PLCZ1: variants seen among roughly 807,000 people sequenced by gnomAD.
The protein encoded by PLCZ1 is phospholipase C zeta 1.
A neutral mutation model predicts 76.8 loss-of-function variants in PLCZ1; 64 were observed. The ratio of observed to expected loss-of-function variants is 0.83; its 90% CI spans 0.68 to 1.03. The LOEUF (loss-of-function observed/expected upper bound fraction) is 1.03. Ranked by LOEUF, PLCZ1 falls within the 50% of genes least tolerant of loss-of-function variation. The pLI, the probability that PLCZ1 is intolerant of heterozygous loss-of-function variation, is 0.00. For missense variants in PLCZ1, 751 were observed against 713.7 expected (o/e 1.05, Z -0.60); for synonymous variants, 248 against 230.8 (o/e 1.07, Z -0.68).
At chr12:18,713,711 C>T (rs1957612842) in intron 5 of PLCZ1, 1 of 152,130 alleles carries the variant, frequency 6.6e-6, no homozygotes, top group Admixed American at 6.5e-5. Context: ...CATAATTTCA[C>T]TAGGAGAAAC....
intron 12 of PLCZ1, among the ~76,000 whole-genome samples, chr12:18,692,066 G>A (rs560660607): frequency 4.9e-4 from 75 of 152,238 alleles, no homozygotes; most frequent in Admixed American, 1.2e-3. Context: ...AGGAAAAGTC[G>A]CAGGAGAAGC....
intron 6 of PLCZ1, among the ~76,000 whole-genome samples, chr12:18,710,457 C>T (rs1213707528): frequency 6.6e-6 from 1 of 151,970 alleles, no homozygotes; most frequent in Non-Finnish European, 1.5e-5. Context: ...TAATGAAAAA[C>T]TGACCACTTA....
intron 11 of PLCZ1, among the ~76,000 whole-genome samples, chr12:18,695,442 C>A (rs78982376): frequency 6.6e-6 from 1 of 152,080 alleles, no homozygotes; most frequent in African/African-American, 2.4e-5. Flanking sequence ...TCAACTATGT[C>A]ATAAATTTTC....
chr12:18,684,338 G>A (rs1480284067), intron 13 of PLCZ1, 59 bp from the exon 14 acceptor site: 2 of 1,493,384 alleles, frequency 1.3e-6, no homozygotes, highest in African/African-American at 2.8e-5. Context: ...GGAAAAAATA[G>A]ATTACATTTG....
intron 5 of PLCZ1, among the ~76,000 whole-genome samples, chr12:18,713,396 A>G (rs1957575097): frequency 1.3e-5 from 2 of 152,178 alleles, no homozygotes; most frequent in Non-Finnish European, 2.9e-5. Flanking sequence ...AAGCCCTCTC[A>G]GAATAGTAAA....
At chr12:18,655,174 C>T in the PLCZ1 span, among the ~76,000 whole-genome samples, 1 of 151,988 alleles carries the variant, frequency 6.6e-6, no homozygotes, top group Admixed American at 6.6e-5. Context: ...GGAGATCATA[C>T]GGTGAAAATA....
chr12:18,685,809 C>T (rs1010953271), intron 13 of PLCZ1, among the ~76,000 whole-genome samples: 1 of 149,808 alleles, frequency 6.7e-6, no homozygotes, highest in Non-Finnish European at 1.5e-5. Context: ...CCCTTCCATC[C>T]TCCTCCTGTA....
rs1478233489 is a variant in PLCZ1, at chr12:18,723,512, T to C, written c.166A>G (p.Thr56Ala). The C allele has an allele frequency of 6.2e-7, 1 of 1,612,596 alleles. No individual in the cohort carries two copies. Among genetic ancestry groups the C allele is most frequent in the Non-Finnish European group, 8.5e-7 (1 of 1,179,356 alleles). The change falls in exon 4 of 15, where the codon ACC becomes GCC. Residue 56 changes from threonine to alanine, a missense_variant. By Grantham distance (58) the Thr-to-Ala change is moderately conservative. Transcript: ENST00000266505. ...DNDRLKQGRI[T>A]IEEFRAIYRI... is the part of the protein sequence containing the mutation. Reference sequence around the variant, plus strand: ...TAAATTGCTCTAAATTCTTCTATGGTGATTCTTCCTTGTTTCAGCCTGTCA... The same window carrying C: ...TAAATTGCTCTAAATTCTTCTATGGCGATTCTTCCTTGTTTCAGCCTGTCA...
At chr12:18,690,395 T>C (rs1002220926) in intron 12 of PLCZ1, among the ~76,000 whole-genome samples, 1 of 152,000 alleles carries the variant, frequency 6.6e-6, no homozygotes, top group African/African-American at 2.4e-5. Flanking sequence ...AGCTAAGTTT[T>C]TGTATGTTTA....
chr12:18,712,406 A>G (rs1957446732), intron 6 of PLCZ1, among the ~76,000 whole-genome samples: 1 of 152,178 alleles, frequency 6.6e-6, no homozygotes, highest in Non-Finnish European at 1.5e-5. Flanking sequence ...AACATTTCTT[A>G]CTATATCAAT....
At position 18,696,176 on chromosome 12, in the gene PLCZ1, T is replaced by A; in HGVS notation, c.1265A>T (p.Glu422Val). The change falls in exon 11 of 15, where the codon GAA becomes GTA. Residue 422 changes from glutamate to valine, a missense_variant. Physicochemically the swap from Glu to Val is moderately radical, Grantham distance 121 (BLOSUM62 -2). Coordinates refer to ENST00000266505, the MANE Select transcript of PLCZ1 (RefSeq NM_033123.4). ...CATTTGACAACCTATATTCCAAAATTCTTGGGGATTAAAATTAGAAGAGTC... is the reference window on the plus strand; with the variant it reads ...CATTTGACAACCTATATTCCAAAATACTTGGGGATTAAAATTAGAAGAGTC... ...RADSSNFNPQ[E>V]FWNIGCQMVA... The A allele has an allele frequency of 6.3e-7, 1 of 1,576,802 alleles. No homozygotes were observed. Among genetic ancestry groups the A allele is most frequent in the Non-Finnish European group, 8.7e-7 (1 of 1,149,438 alleles).
intron 3 of PLCZ1, among the ~76,000 whole-genome samples, chr12:18,732,542 CG>C (rs1565743640): frequency 1.3e-5 from 2 of 152,188 alleles, no homozygotes; most frequent in Non-Finnish European, 2.9e-5. Context: ...TTATTTATCA[CG>C]GGTACTATGC....
intron 13 of PLCZ1, among the ~76,000 whole-genome samples, chr12:18,687,059 T>C (rs929975290): frequency 6.6e-6 from 1 of 152,076 alleles, no homozygotes; most frequent in Non-Finnish European, 1.5e-5. Flanking sequence ...TTACTATCTC[T>C]GGACACAGCC....
chr12:18,666,273 T>G, the PLCZ1 span, among the ~76,000 whole-genome samples: 3 of 148,884 alleles, frequency 2.0e-5, no homozygotes, highest in Non-Finnish European at 4.4e-5. Flanking sequence ...ATAAGTAGAT[T>G]AAACTCTTCA....
intron 3 of PLCZ1, among the ~76,000 whole-genome samples, chr12:18,730,581 C>T (rs1222263129): frequency 6.6e-6 from 1 of 152,002 alleles, no homozygotes; most frequent in Non-Finnish European, 1.5e-5. Flanking sequence ...TATTAATAGC[C>T]ACTCCAGAAA....
chr12:18,723,159 AAATAT>A, intron 4 of PLCZ1, 147 bp downstream of exon 4: 1 of 664,078 alleles, frequency 1.5e-6, no homozygotes, highest in South Asian at 2.0e-5. Context: ...CAATTCTATA[AAATAT>A]ATTTTCTCAA....
At chr12:18,691,785 C>T (rs896973434) in intron 12 of PLCZ1, among the ~76,000 whole-genome samples, 2 of 152,154 alleles carry the variant, frequency 1.3e-5, no homozygotes, top group African/African-American at 2.4e-5. Flanking sequence ...GCAATTGCTG[C>T]CTATCCATTA....
chr12:18,718,505 C>T (rs1958224591), intron 5 of PLCZ1, among the ~76,000 whole-genome samples: 1 of 152,142 alleles, frequency 6.6e-6, no homozygotes, highest in African/African-American at 2.4e-5. Context: ...CCTTCATTCA[C>T]CATTGACTTG....
At chr12:18,710,707 A>G (rs1030345074) in intron 6 of PLCZ1, among the ~76,000 whole-genome samples, 2 of 152,128 alleles carry the variant, frequency 1.3e-5, no homozygotes, top group Non-Finnish European at 2.9e-5. Context: ...AGAGATAGTT[A>G]AATTCAGGAT....
Sources: allele counts gnomAD v4.1 joint callset (sites outside exome capture counted in the v4.1 genomes callset), GRCh38; gene constraint gnomAD v4.1.1; transcripts MANE v1.5; gene names NCBI Gene and HGNC (gene_info 2026-07-23, HGNC 2026-07-21).